Variants in NXPE2 observed in about 807,000 individuals in gnomAD.
NXPE2 encodes neurexophilin and PC-esterase domain family member 2, also known as NXPE family member 2.
NXPE2 carries 34 observed loss-of-function variants against 34.4 expected under a neutral mutation model. That is an observed-to-expected ratio of 0.99 (90% confidence interval 0.75 to 1.31). The LOEUF is 1.31. Among genes scored for constraint, NXPE2 ranks in the 40% most tolerant of loss-of-function variants. NXPE2 has a pLI of 0.00. For missense variants in NXPE2, 649 were observed against 672.5 expected, an observed-to-expected ratio of 0.97 and a Z score of 0.39; for synonymous variants, 235 against 231.3, an observed-to-expected ratio of 1.02 and a Z score of -0.15.
At chr11:114,734,996 G>A in the NXPE2 span, among the ~76,000 whole-genome samples, 2 of 152,180 alleles carry the variant, frequency 1.3e-5, no homozygotes, top group African/African-American at 4.8e-5. Flanking sequence ...TGTAGTCCAG[G>A]CTACTCGGGA....
the NXPE2 span, among the ~76,000 whole-genome samples, chr11:114,603,648 G>T: frequency 1.3e-5 from 2 of 151,790 alleles, no homozygotes; most frequent in Middle Eastern, 3.4e-3. Context: ...TTACCTGGTG[G>T]ATGGCAAGTA....
At chr11:114,713,093 G>A in the NXPE2 span, among the ~76,000 whole-genome samples, 1 of 152,128 alleles carries the variant, frequency 6.6e-6, no homozygotes, top group African/African-American at 2.4e-5. Context: ...CATAGACACA[G>A]ACAGTAGAAA....
At chr11:114,480,194 G>C in the NXPE2 span, among the ~76,000 whole-genome samples, 1 of 151,432 alleles carries the variant, frequency 6.6e-6, no homozygotes, top group Non-Finnish European at 1.5e-5. Flanking sequence ...CCTCTAGATG[G>C]AGAAGGAAAG....
the NXPE2 span, among the ~76,000 whole-genome samples, chr11:114,635,543 A>G: frequency 2.0e-5 from 3 of 152,008 alleles, no homozygotes; most frequent in African/African-American, 7.3e-5. Flanking sequence ...GTCTTGTGCC[A>G]GTTTTCAAAG....
the NXPE2 span, among the ~76,000 whole-genome samples, chr11:114,482,361 C>T: frequency 1.3e-5 from 2 of 152,230 alleles, no homozygotes; most frequent in Admixed American, 6.5e-5. Context: ...GTTTAACAAA[C>T]TGAGTTAAGC....
At chr11:114,550,225 T>G in the NXPE2 span, among the ~76,000 whole-genome samples, 2 of 152,142 alleles carry the variant, frequency 1.3e-5, no homozygotes, top group Non-Finnish European at 1.5e-5. Context: ...GAAAGTTCAC[T>G]TGAAAGGATA....
the NXPE2 span, among the ~76,000 whole-genome samples, chr11:114,722,610 A>G: frequency 6.6e-6 from 1 of 152,270 alleles, no homozygotes; most frequent in Non-Finnish European, 1.5e-5. Context: ...CAAGACCCTA[A>G]GATATCCTGG....
chr11:114,805,627 AGCGAGGTT>A, the NXPE2 span, among the ~76,000 whole-genome samples: 8 of 152,312 alleles, frequency 5.3e-5, no homozygotes, highest in Admixed American at 2.0e-4. Flanking sequence ...GCAAGGTGGC[AGCGAGGTT>A]GGGGGAGGGG....
At chr11:114,642,437 C>T in the NXPE2 span, among the ~76,000 whole-genome samples, 462 of 152,078 alleles carry the variant, frequency 3.0e-3, 14 homozygotes, top group Non-Finnish European at 6.3e-4. Flanking sequence ...CCCCAGCCCC[C>T]GACAGGCCCA....
chr11:114,701,312 GGTCCTCATTGAAGCC>G (rs1951360643), intron 3 of NXPE2, among the ~76,000 whole-genome samples: 1 of 152,054 alleles, frequency 6.6e-6, no homozygotes, highest in South Asian at 2.1e-4. Flanking sequence ...CTCTTGAGGT[GGTCCTCATTGAAGCC>G]TGGGTTGAAG....
At chr11:114,672,842 A>C in the NXPE2 span, among the ~76,000 whole-genome samples, 2 of 151,774 alleles carry the variant, frequency 1.3e-5, no homozygotes, top group Non-Finnish European at 2.9e-5. Context: ...AAAGAAATAG[A>C]CAATTCAACA....
At chr11:114,528,830 A>C in the NXPE2 span, 9 of 678,956 alleles carry the variant, frequency 1.3e-5, no homozygotes, top group Non-Finnish European at 1.4e-5. Context: ...TCCAGGTGCC[A>C]TCCTGAGAAG....
chr11:114,568,672 T>C, the NXPE2 span, among the ~76,000 whole-genome samples: 1 of 152,112 alleles, frequency 6.6e-6, no homozygotes, highest in Non-Finnish European at 1.5e-5. Context: ...GCCTCTGTCT[T>C]CCTCCATTTT....
the NXPE2 span, among the ~76,000 whole-genome samples, chr11:114,536,692 T>G: frequency 6.6e-6 from 1 of 152,166 alleles, no homozygotes; most frequent in Non-Finnish European, 1.5e-5. Context: ...AAGAAATGGA[T>G]AAATTCCTTG....
the NXPE2 span, among the ~76,000 whole-genome samples, chr11:114,557,754 G>T: frequency 1.5e-4 from 23 of 150,210 alleles, no homozygotes; most frequent in South Asian, 4.9e-3. Flanking sequence ...TCATTTGGGA[G>T]AATTTATCTT....
the NXPE2 span, among the ~76,000 whole-genome samples, chr11:114,634,676 A>T: frequency 6.6e-6 from 1 of 152,120 alleles, no homozygotes; most frequent in Middle Eastern, 3.4e-3. Flanking sequence ...TCAGCTTTCT[A>T]CATATCGCTA....
chr11:114,811,874 G>C, the NXPE2 span, among the ~76,000 whole-genome samples: 3 of 152,134 alleles, frequency 2.0e-5, no homozygotes, highest in East Asian at 3.8e-4. Flanking sequence ...ACTTCTCTAG[G>C]CTTCAGTTTT....
the NXPE2 span, among the ~76,000 whole-genome samples, chr11:114,586,069 T>C: frequency 6.6e-6 from 1 of 152,218 alleles, no homozygotes; most frequent in Non-Finnish European, 1.5e-5. Context: ...TTGTGTGCTA[T>C]GCAAATGTTA....
the NXPE2 span, among the ~76,000 whole-genome samples, chr11:114,495,827 G>A: frequency 6.6e-6 from 1 of 152,150 alleles, no homozygotes; most frequent in Non-Finnish European, 1.5e-5. Flanking sequence ...TCTGGACTGG[G>A]GGCTGTAGGA....
Sources: gnomAD v4.1 joint callset for allele counts (sites outside exome capture counted in the v4.1 genomes callset) on GRCh38, gnomAD v4.1.1 for gene constraint, MANE v1.5 for transcripts, NCBI Gene and HGNC (gene_info 2026-07-23, HGNC 2026-07-21) for gene names.